Variants in MTCL2 observed in about 807,000 individuals in gnomAD.
The protein encoded by MTCL2 is microtubule crosslinking factor 2.
At chr20:36,825,773 G>C in the MTCL2 span, among the ~76,000 whole-genome samples, 5 of 152,330 alleles carry the variant, frequency 3.3e-5, 1 homozygote, top group East Asian at 9.7e-4. Context: ...GAAAGAGACG[G>C]AGGAGGGAGA....
At chr20:36,836,122 C>T in the MTCL2 span, among the ~76,000 whole-genome samples, 1 of 149,020 alleles carries the variant, frequency 6.7e-6, no homozygotes, top group African/African-American at 2.5e-5. Context: ...TGAATATGCC[C>T]GGGAGCTGCC....
At chr20:36,816,375 T>C in the MTCL2 span, 2 of 1,351,466 alleles carry the variant, frequency 1.5e-6, no homozygotes, top group Non-Finnish European at 2.0e-6. Flanking sequence ...AGCCATGGCA[T>C]TTTGGGGAGC....
the MTCL2 span, among the ~76,000 whole-genome samples, chr20:36,852,729 A>C: frequency 2.0e-5 from 3 of 152,240 alleles, no homozygotes; most frequent in South Asian, 6.2e-4. Context: ...CCTTGCGAAG[A>C]AGCTAGGGTC....
the MTCL2 span, among the ~76,000 whole-genome samples, chr20:36,851,928 A>G: frequency 2.0e-5 from 3 of 152,092 alleles, no homozygotes; most frequent in African/African-American, 7.2e-5. Flanking sequence ...CTGTGTTTGA[A>G]TCTAATTCCT....
At chr20:36,786,429 T>C in the MTCL2 span, 2 of 1,480,108 alleles carry the variant, frequency 1.4e-6, no homozygotes, top group African/African-American at 2.8e-5. Context: ...TCTCTGCTGG[T>C]TCCCTTCTGC....
chr20:36,794,749 C>G, the MTCL2 span: 290 of 965,730 alleles, frequency 3.0e-4, 1 homozygote, highest in Non-Finnish European at 4.4e-4. The surrounding 1 kb of genome is among the most constrained non-coding windows in gnomAD (Gnocchi z 5.4). Flanking sequence ...GTGCCCAGTC[C>G]CACATTCTGT....
chr20:36,842,963 C>T, the MTCL2 span, among the ~76,000 whole-genome samples: 3 of 152,134 alleles, frequency 2.0e-5, no homozygotes, highest in Non-Finnish European at 4.4e-5. Context: ...TCTCCCTACC[C>T]GTCTTTCCCC....
At chr20:36,849,188 A>G in the MTCL2 span, among the ~76,000 whole-genome samples, 1 of 147,844 alleles carries the variant, frequency 6.8e-6, no homozygotes, top group African/African-American at 2.5e-5. Context: ...CAGCCTCCCG[A>G]GTAGCTGGGA....
At chr20:36,850,280 G>A in the MTCL2 span, among the ~76,000 whole-genome samples, 10 of 152,082 alleles carry the variant, frequency 6.6e-5, no homozygotes, top group South Asian at 2.1e-4. Flanking sequence ...TGTAATCCCA[G>A]CACTTTGGGA....
chr20:36,799,494 AAAATAAATAAAT>A, the MTCL2 span, among the ~76,000 whole-genome samples: 261 of 147,112 alleles, frequency 1.8e-3, 1 homozygote, highest in East Asian at 7.5e-3. Context: ...CTCCATCTCA[AAAATAAATAAAT>A]AAATAAATAA....
the MTCL2 span, chr20:36,786,674 G>A: frequency 6.6e-7 from 1 of 1,525,790 alleles, no homozygotes; most frequent in East Asian, 2.5e-5. Flanking sequence ...GAAGTCAAGA[G>A]GAGCCAGGAG....
chr20:36,791,926 C>G, the MTCL2 span, among the ~76,000 whole-genome samples: 2 of 150,742 alleles, frequency 1.3e-5, no homozygotes, highest in African/African-American at 5.0e-5. Context: ...GCAAAGTTAA[C>G]TTATGCACAT....
At chr20:36,814,169 G>A in the MTCL2 span, among the ~76,000 whole-genome samples, 2 of 152,124 alleles carry the variant, frequency 1.3e-5, no homozygotes, top group Non-Finnish European at 1.5e-5. Context: ...TGCCCCACTA[G>A]ATGATAAGGA....
At chr20:36,786,087 C>T in the MTCL2 span, 1 of 987,746 alleles carries the variant, frequency 1.0e-6, no homozygotes, top group Non-Finnish European at 1.2e-6. Context: ...CAGGAAACAT[C>T]TCTCCGACTC....
At chr20:36,830,906 A>G in the MTCL2 span, among the ~76,000 whole-genome samples, 1 of 152,220 alleles carries the variant, frequency 6.6e-6, no homozygotes. Context: ...TGGAGGTCAC[A>G]GTGTGACCCT....
the MTCL2 span, among the ~76,000 whole-genome samples, chr20:36,801,063 C>T: frequency 7.2e-5 from 11 of 151,770 alleles, no homozygotes; most frequent in Non-Finnish European, 1.3e-4. Context: ...TTTTTAGATA[C>T]GAAGTCTCAC....
At chr20:36,830,285 G>A in the MTCL2 span, among the ~76,000 whole-genome samples, 1 of 152,204 alleles carries the variant, frequency 6.6e-6, no homozygotes, top group Admixed American at 6.5e-5. Context: ...CACTTTGAGG[G>A]GCTGGACACG....
chr20:36,843,335 G>T, the MTCL2 span, among the ~76,000 whole-genome samples: 1 of 152,184 alleles, frequency 6.6e-6, no homozygotes, highest in Admixed American at 6.5e-5. Context: ...GGGTTAGGGA[G>T]CCCTGCCCTC....
chr20:36,812,754 G>C, the MTCL2 span: 19 of 1,613,972 alleles, frequency 1.2e-5, no homozygotes, highest in Non-Finnish European at 1.5e-5. Flanking sequence ...CTGAAGCTCC[G>C]GCTGGGGTCG....
Sources: allele counts gnomAD v4.1 joint callset (sites outside exome capture counted in the v4.1 genomes callset), GRCh38; gene constraint gnomAD v4.1.1; non-coding constraint Gnocchi (gnomAD v3.1); transcripts MANE v1.5; gene names NCBI Gene and HGNC (gene_info 2026-07-23, HGNC 2026-07-21).